UPF2: variants seen among roughly 807,000 people sequenced by gnomAD.
UPF2 encodes regulator of nonsense transcripts 2.
A neutral mutation model predicts 141.4 loss-of-function variants in UPF2; 17 were observed. The ratio of observed to expected loss-of-function variants is 0.12; its 90% CI spans 0.08 to 0.18. The LOEUF is 0.18. Among genes scored for constraint, UPF2 ranks in the 10% least tolerant of loss-of-function variants. The pLI is 1.00. For missense variants in UPF2, 1,152 were observed against 1,515.9 expected, an observed-to-expected ratio of 0.76 and a Z score of 3.99; for synonymous variants, 540 against 498.0, an observed-to-expected ratio of 1.08 and a Z score of -1.12.
intron 9 of UPF2, among the ~76,000 whole-genome samples, chr10:11,976,740 G>A (rs1833511603): frequency 6.6e-6 from 1 of 152,092 alleles, no homozygotes; most frequent in Non-Finnish European, 1.5e-5. Context: ...ACTCAGCTAG[G>A]AAAAAAGGTG....
At chr10:11,925,303 CTTTTTT>C (rs1564332793) in intron 21 of UPF2, among the ~76,000 whole-genome samples, 1 of 152,038 alleles carries the variant, frequency 6.6e-6, no homozygotes, top group Non-Finnish European at 1.5e-5. Flanking sequence ...GTTAGGTTTT[CTTTTTT>C]TAAGGTGCTA....
chr10:11,998,853 C>T lies in UPF2; in HGVS notation c.1758+1053G>A, dbSNP rs1833906374. 6.7e-6 allele frequency among the ~76,000 whole-genome samples: 1 copy of T among 149,574 alleles called. No homozygotes were observed. The highest frequency in any genetic ancestry group is 2.5e-5 in the African/African-American group (1 of 40,508). On this transcript the variant is annotated intron_variant, in intron 7 of 21. Transcript: ENST00000357604. The surrounding 1 kb of genome is among the most constrained non-coding windows in gnomAD (Gnocchi z 4.5). ...TGGGCAACAGAGCAAGACTCCGTCT[C>T]AAAAAAATAAAAAATAAAAAGATTA...
chr10:11,963,215 G>A (rs1008310119), intron 11 of UPF2, among the ~76,000 whole-genome samples: 2 of 152,100 alleles, frequency 1.3e-5, no homozygotes, highest in Non-Finnish European at 2.9e-5. Flanking sequence ...CAGCACCTAC[G>A]ACACTGTATT....
intron 3 of UPF2, among the ~76,000 whole-genome samples, chr10:12,017,639 G>C (rs1211554362): frequency 6.6e-6 from 1 of 152,156 alleles, no homozygotes. Context: ...CCTAACTAAT[G>C]AGTGTGTACT....
At position 11,955,529 on chromosome 10, in the gene UPF2, G is replaced by A. The variant is rs748051244; in HGVS notation, c.2575-22C>T. ...TAACCTAAAAGGCAACAAAACCACA[G>A]ATTTTCATTAAAGAGGAGTAGTGTA... On this transcript the variant is annotated intron_variant, in intron 13 of 21. Coordinates refer to ENST00000357604, the MANE Select transcript of UPF2 (RefSeq NM_015542.4). 6.9e-6 allele frequency: 11 copies of A among 1,590,010 alleles called. No individual in the cohort carries two copies. The African/African-American group carries it at 1.4e-4, about 20-fold the overall frequency.
Position 11,965,972 on chromosome 10 carries a change from AT to A in UPF2, c.2067+1368del, listed in dbSNP as rs1269463687. 8.5e-5 allele frequency among the ~76,000 whole-genome samples: 13 copies of A among 152,340 alleles called. No homozygotes were observed. The South Asian group carries it at 2.7e-3, about 32-fold the overall frequency. ...AATGATCAATTTCAAATGCAGAAGA[AT>A]TATTCCATCTATTCTCCACCAGCTT... is the stretch of plus-strand genomic sequence containing the variant. On this transcript the variant is annotated intron_variant, in intron 10 of 21. Transcript: ENST00000357604.
At chr10:12,037,765 C>G (rs1158707323) in intron 1 of UPF2, among the ~76,000 whole-genome samples, 1 of 151,922 alleles carries the variant, frequency 6.6e-6, no homozygotes, top group Non-Finnish European at 1.5e-5. Flanking sequence ...AATTACAGCA[C>G]TTAAAACTAG....
intron 15 of UPF2, among the ~76,000 whole-genome samples, chr10:11,950,268 T>C (rs537312766): frequency 5.9e-5 from 9 of 152,292 alleles, no homozygotes; most frequent in South Asian, 2.1e-4. Flanking sequence ...TGGGATACTA[T>C]AAAACTAACA....
rs200306344 is a variant in UPF2 at position 11,921,355 on chromosome 10, A to G, written c.3810-48T>C. 139 of 1,613,284 alleles carry G rather than the reference A, an allele frequency of 8.6e-5. No homozygotes were observed. The East Asian group carries it at 1.2e-3, about 14-fold the overall frequency. On this transcript the variant is annotated intron_variant, in intron 21 of 21. Coordinates refer to ENST00000357604, the MANE Select transcript of UPF2 (RefSeq NM_015542.4). The surrounding 1 kb of genome is among the most constrained non-coding windows in gnomAD (Gnocchi z 5.9). Reference sequence around the variant, plus strand: ...ATCAGAGAGCTTACTGCCACAGGACAAAGTCCAGCAAGATGGCGTCTGCAA... The same window carrying G: ...ATCAGAGAGCTTACTGCCACAGGACGAAGTCCAGCAAGATGGCGTCTGCAA...
intron 1 of UPF2, among the ~76,000 whole-genome samples, chr10:12,037,086 T>TTTTATGTTTTCTTTTTGA (rs1302465098): frequency 1.7e-4 from 26 of 152,098 alleles, no homozygotes; most frequent in African/African-American, 6.0e-4. Flanking sequence ...AATTTCTTAG[T>TTTTATGTTTTCTTTTTGA]TTTATGTTTT....
At chr10:12,035,532 A>T in intron 1 of UPF2, 91 bp from the exon 2 acceptor site, 2 of 1,341,840 alleles carry the variant, frequency 1.5e-6, no homozygotes, top group South Asian at 3.7e-5. Flanking sequence ...TATTAATGCA[A>T]CTTGGCAATT....
intron 1 of UPF2, among the ~76,000 whole-genome samples, chr10:12,040,205 G>A (rs1436976176): frequency 2.0e-5 from 3 of 152,094 alleles, no homozygotes; most frequent in Non-Finnish European, 2.9e-5. Context: ...TAGATCACGA[G>A]GTCAAGAGTT....
Position 11,936,494 on chromosome 10 carries a change from TA to T in UPF2, c.3546+50del. The stretch of plus-strand genomic sequence containing the variant: ...TGTAGGTCAAAGATAAGTTAAAACC[TA>T]ACTGTATAACTCACAATCAGCTATA... On this transcript the variant is annotated intron_variant, in intron 19 of 21. Coordinates refer to ENST00000357604, the MANE Select transcript of UPF2 (RefSeq NM_015542.4). This position sits in a 1 kb window ranked among gnomAD's most constrained non-coding sequence, Gnocchi z 6.6. 4 of 1,521,210 alleles carry T rather than the reference TA, an allele frequency of 2.6e-6. No individual in the cohort carries two copies. The highest frequency in any genetic ancestry group is 3.5e-6 in the Non-Finnish European group (4 of 1,133,318). 94.2% of individuals were successfully genotyped at this position (1,521,210 alleles called of 1,614,324 possible).
At chr10:11,978,828 T>C (rs567570691) in intron 9 of UPF2, among the ~76,000 whole-genome samples, 43 of 152,268 alleles carry the variant, frequency 2.8e-4, no homozygotes, top group African/African-American at 9.6e-4. Context: ...GTTCCCGCAA[T>C]GGGGGAACAA....
Position 12,029,397 on chromosome 10 carries a change from C to T in UPF2, c.493G>A (p.Asp165Asn). The change falls in exon 3 of 22, where the codon GAC becomes AAC. Residue 165 changes from aspartate to asparagine, a missense_variant. Physicochemically the swap from Asp to Asn is conservative, Grantham distance 23 (BLOSUM62 1). Around this residue, in one of 4 missense-constraint regions of UPF2, gnomAD observed 739 missense variants for 1,032.2 expected, o/e 0.72. Coordinates refer to ENST00000357604, the MANE Select transcript of UPF2 (RefSeq NM_015542.4). ...RPEENFFSRL[D>N]SSLKKNTAFV... is the part of the protein sequence containing the mutation. Reference sequence around the variant, plus strand: ...GCAGTATTTTTCTTCAAACTTGAGTCGAGGCGGCTGAAGAAGTTTTCCTCT... The same window carrying T: ...GCAGTATTTTTCTTCAAACTTGAGTTGAGGCGGCTGAAGAAGTTTTCCTCT... 6.2e-7 allele frequency: 1 copy of T among 1,614,180 alleles called. No homozygotes were observed. Among genetic ancestry groups the T allele is most frequent in the Non-Finnish European group, 8.5e-7 (1 of 1,180,038 alleles).
chr10:11,995,966 C>T (rs537810593), intron 8 of UPF2, among the ~76,000 whole-genome samples: 8 of 152,220 alleles, frequency 5.3e-5, no homozygotes, highest in African/African-American at 1.9e-4. Flanking sequence ...TCTTCTCTGA[C>T]TCCTCAGACT....
chr10:11,925,265 G>A (rs17556860), intron 21 of UPF2, among the ~76,000 whole-genome samples: 5,719 of 152,294 alleles, frequency 0.038, 157 homozygotes, highest in Middle Eastern at 0.086. Context: ...ATACTTTACA[G>A]AGTGCTATTC....
chr10:12,003,521 A>G (rs938327030), intron 5 of UPF2, among the ~76,000 whole-genome samples: 3 of 152,338 alleles, frequency 2.0e-5, no homozygotes, highest in South Asian at 2.1e-4. Context: ...GGCAAACCTG[A>G]GAGAAACTAT....
At chr10:12,041,981 T>C (rs1352351000) in intron 1 of UPF2, among the ~76,000 whole-genome samples, 1 of 152,138 alleles carries the variant, frequency 6.6e-6, no homozygotes, top group Admixed American at 6.5e-5. Flanking sequence ...AAATATCCTG[T>C]GATCACTTCC....
Sources: allele counts gnomAD v4.1 joint callset (sites outside exome capture counted in the v4.1 genomes callset), GRCh38; gene constraint gnomAD v4.1.1; regional missense constraint gnomAD v4.1.1; non-coding constraint Gnocchi (gnomAD v3.1); transcripts MANE v1.5; gene names NCBI Gene and HGNC (gene_info 2026-07-23, HGNC 2026-07-21).